Variants in LINGO2 observed in about 807,000 individuals in gnomAD.
LINGO2 encodes leucine rich repeat and Ig domain containing 2.
Under a neutral mutation model 30.6 loss-of-function variants are expected in LINGO2, and 14 were observed. That is an observed-to-expected ratio of 0.46 (90% CI 0.30 to 0.72). LINGO2 has a LOEUF of 0.72. Ranked by LOEUF, LINGO2 falls within the 30% of genes least tolerant of loss-of-function variation. The probability of loss-of-function intolerance (pLI) is 0.07; values close to 1 mark genes in which losing one functional copy is unlikely to be tolerated. For missense variants in LINGO2, 729 were observed against 751.7 expected (o/e 0.97, Z 0.35); for synonymous variants, 317 against 288.5 (o/e 1.10, Z -1.00).
intron 3 of LINGO2, among the ~76,000 whole-genome samples, chr9:28,346,736 G>A (rs1238987250): frequency 3.3e-5 from 5 of 151,936 alleles, no homozygotes; most frequent in Non-Finnish European, 7.4e-5. Context: ...TGACTGGTGT[G>A]GGATCATAGC....
At chr9:28,342,041 T>C (rs1281991068) in intron 3 of LINGO2, among the ~76,000 whole-genome samples, 5 of 152,120 alleles carry the variant, frequency 3.3e-5, no homozygotes, top group Non-Finnish European at 7.3e-5. Context: ...GGGAAAATGT[T>C]GCTTAAAACT....
chr9:29,188,335 G>A, the LINGO2 span, among the ~76,000 whole-genome samples: 1 of 151,778 alleles, frequency 6.6e-6, no homozygotes, highest in East Asian at 1.9e-4. Flanking sequence ...AGGGTTGGGG[G>A]TAAGGTCACA....
the LINGO2 span, among the ~76,000 whole-genome samples, chr9:29,135,353 G>A: frequency 6.6e-6 from 1 of 151,756 alleles, no homozygotes; most frequent in Non-Finnish European, 1.5e-5. Flanking sequence ...AGGTCAGGAG[G>A]TTGAGACCAT....
At chr9:28,420,450 T>C (rs1823149101) in intron 2 of LINGO2, among the ~76,000 whole-genome samples, 1 of 152,140 alleles carries the variant, frequency 6.6e-6, no homozygotes, top group African/African-American at 2.4e-5. Flanking sequence ...AAACTTTTAA[T>C]TTAAACTTGC....
chr9:28,090,246 C>G (rs1406006667), intron 4 of LINGO2, among the ~76,000 whole-genome samples: 4 of 152,086 alleles, frequency 2.6e-5, no homozygotes, highest in African/African-American at 7.2e-5. Context: ...CAAAGCCTGA[C>G]AGAAACACAA....
At chr9:29,099,273 A>C in the LINGO2 span, among the ~76,000 whole-genome samples, 1 of 152,232 alleles carries the variant, frequency 6.6e-6, no homozygotes, top group African/African-American at 2.4e-5. Flanking sequence ...TCAAACTATG[A>C]AACTACAACA....
chr9:28,291,371 C>G (rs1823722214), intron 4 of LINGO2, among the ~76,000 whole-genome samples: 1 of 152,176 alleles, frequency 6.6e-6, no homozygotes, highest in African/African-American at 2.4e-5. Context: ...CCACGTGTTC[C>G]TTAGCCCATC....
chr9:29,011,538 T>G, the LINGO2 span, among the ~76,000 whole-genome samples: 1 of 152,204 alleles, frequency 6.6e-6, no homozygotes, highest in Admixed American at 6.5e-5. Flanking sequence ...CAGAAAGCAA[T>G]GGTCATCTTT....
chr9:28,094,903 T>A (rs1826201433), intron 4 of LINGO2, among the ~76,000 whole-genome samples: 1 of 152,142 alleles, frequency 6.6e-6, no homozygotes, highest in Non-Finnish European at 1.5e-5. Flanking sequence ...GCACTCTACA[T>A]GGCCTCTTAG....
the LINGO2 span, among the ~76,000 whole-genome samples, chr9:28,690,521 C>T: frequency 6.6e-6 from 1 of 152,102 alleles, no homozygotes; most frequent in Non-Finnish European, 1.5e-5. Flanking sequence ...ATCTTCATTT[C>T]TTAGTAGGAA....
the LINGO2 span, among the ~76,000 whole-genome samples, chr9:28,772,485 G>A: frequency 2.6e-5 from 4 of 152,158 alleles, no homozygotes; most frequent in Admixed American, 2.0e-4. Flanking sequence ...GAGCACACAC[G>A]AATAACCAGT....
the LINGO2 span, among the ~76,000 whole-genome samples, chr9:29,085,503 G>GA: frequency 7.2e-5 from 11 of 151,730 alleles, no homozygotes; most frequent in Admixed American, 3.3e-4. Flanking sequence ...TATTCGAAAA[G>GA]AAAAAAATCA....
chr9:28,737,090 G>A, the LINGO2 span, among the ~76,000 whole-genome samples: 1 of 152,140 alleles, frequency 6.6e-6, no homozygotes, highest in Non-Finnish European at 1.5e-5. Flanking sequence ...GGAAAGTTCT[G>A]GGTTCAGGCA....
At chr9:28,030,179 T>G (rs1003552111) in intron 4 of LINGO2, among the ~76,000 whole-genome samples, 1 of 152,162 alleles carries the variant, frequency 6.6e-6, no homozygotes, top group Non-Finnish European at 1.5e-5. Context: ...GACAAGTGCT[T>G]ATTAATAGAA....
chr9:28,981,628 T>C, the LINGO2 span, among the ~76,000 whole-genome samples: 2 of 152,122 alleles, frequency 1.3e-5, no homozygotes, highest in East Asian at 3.9e-4. Context: ...GTGGTGGTGA[T>C]GGCAGAAAGT....
At chr9:28,463,248 C>T (rs907912910) in intron 2 of LINGO2, among the ~76,000 whole-genome samples, 1 of 151,948 alleles carries the variant, frequency 6.6e-6, no homozygotes, top group Non-Finnish European at 1.5e-5. Context: ...TATAGGAGAG[C>T]TTAGCCATTA....
At chr9:28,789,187 A>T in the LINGO2 span, among the ~76,000 whole-genome samples, 1 of 152,164 alleles carries the variant, frequency 6.6e-6, no homozygotes, top group African/African-American at 2.4e-5. Context: ...ATTGGGCATG[A>T]GTAGAAATGA....
chr9:29,106,330 T>G, the LINGO2 span, among the ~76,000 whole-genome samples: 53 of 152,158 alleles, frequency 3.5e-4, no homozygotes, highest in African/African-American at 1.2e-3. Flanking sequence ...TTAAACATTT[T>G]CTCATTTAAT....
At chr9:28,177,691 A>T (rs762711837) in intron 4 of LINGO2, among the ~76,000 whole-genome samples, 28 of 152,308 alleles carry the variant, frequency 1.8e-4, no homozygotes, top group Non-Finnish European at 3.5e-4. Flanking sequence ...AATAAATAAA[A>T]AGAAAGAAAG....
Sources: allele counts gnomAD v4.1 joint callset (sites outside exome capture counted in the v4.1 genomes callset), GRCh38; gene constraint gnomAD v4.1.1; transcripts MANE v1.5; gene names NCBI Gene and HGNC (gene_info 2026-07-23, HGNC 2026-07-21).